GLRA1: variants seen among roughly 807,000 people sequenced by gnomAD.
GLRA1 encodes glycine receptor alpha 1, also known as glycine receptor subunit alpha-1.
GLRA1 carries 37 observed loss-of-function variants against 48.3 expected under a neutral mutation model. The ratio of observed to expected loss-of-function variants is 0.77; its 90% CI spans 0.59 to 1.01. The LOEUF (loss-of-function observed/expected upper bound fraction) is 1.01. GLRA1 is among the 50% of genes least tolerant of loss of function. GLRA1 has a pLI of 0.00. For synonymous variants in GLRA1, 196 were observed against 210.7 expected (o/e 0.93, Z 0.60); for missense variants, 427 against 571.0 (o/e 0.75, Z 2.57).
intron 1 of GLRA1, among the ~76,000 whole-genome samples, chr5:151,914,632 T>G (rs923093919): frequency 6.6e-6 from 1 of 152,118 alleles, no homozygotes. Flanking sequence ...TCCCCCACAT[T>G]CCTAGCTAGC....
intron 3 of GLRA1, among the ~76,000 whole-genome samples, chr5:151,881,570 A>G (rs1426980262): frequency 1.3e-5 from 2 of 150,736 alleles, no homozygotes; most frequent in African/African-American, 4.9e-5. Flanking sequence ...TCCCGGGCTC[A>G]AGCAATCTGC....
At chr5:151,913,242 A>C (rs1427651946) in intron 1 of GLRA1, among the ~76,000 whole-genome samples, 2 of 100,222 alleles carry the variant, frequency 2.0e-5, no homozygotes, top group East Asian at 4.7e-4. Context: ...AAGATTGAGC[A>C]AACTGCCAAG....
intron 3 of GLRA1, among the ~76,000 whole-genome samples, chr5:151,863,997 GGAA>G (rs1307359759): frequency 1.3e-5 from 2 of 152,200 alleles, no homozygotes; most frequent in Non-Finnish European, 2.9e-5. Context: ...CCATGGTGGT[GGAA>G]GAACTTCAGG....
intron 3 of GLRA1, among the ~76,000 whole-genome samples, chr5:151,863,783 C>T (rs924247902): frequency 2.0e-5 from 3 of 152,154 alleles, no homozygotes; most frequent in African/African-American, 7.2e-5. Context: ...CTAAAACAAA[C>T]AACCTTCCTC....
intron 1 of GLRA1, among the ~76,000 whole-genome samples, chr5:151,898,785 T>A (rs1300396889): frequency 6.6e-6 from 1 of 152,126 alleles, no homozygotes; most frequent in Non-Finnish European, 1.5e-5. Context: ...TGAGGCACAG[T>A]CAGCACTATA....
chr5:151,916,354 G>T lies in GLRA1; in HGVS notation c.56+8140C>A, dbSNP rs1385543149. Among the ~76,000 whole-genome samples, 12 of 152,326 alleles carry T rather than the reference G, an allele frequency of 7.9e-5. No individual in the cohort carries two copies. The South Asian group carries it at 2.3e-3, about 29-fold the overall frequency. On this transcript the variant is annotated intron_variant, in intron 1 of 8. Coordinates refer to ENST00000274576, the MANE Select transcript of GLRA1 (RefSeq NM_000171.4). ...TAAGACAGTACTGCAAATCTGCCTG[G>T]CAGCCAGGGTTGCAGCAGCCTTGCC...
intron 1 of GLRA1, among the ~76,000 whole-genome samples, chr5:151,898,659 CT>C (rs1754284618): frequency 6.6e-6 from 1 of 152,014 alleles, no homozygotes; most frequent in African/African-American, 2.4e-5. Context: ...GACTAAGAGG[CT>C]GAGAGTAACC....
chr5:151,923,101 T>C (rs992515697), intron 1 of GLRA1, among the ~76,000 whole-genome samples: 2 of 152,276 alleles, frequency 1.3e-5, no homozygotes, highest in African/African-American at 4.8e-5. Context: ...ACTCTCTGAC[T>C]ATTTGCAGTC....
Position 151,839,081 on chromosome 5 carries a change from G to A in GLRA1, c.913-10014C>T, listed in dbSNP as rs916794346. 5.3e-5 allele frequency among the ~76,000 whole-genome samples: 8 copies of A among 152,198 alleles called. No individual in the cohort carries two copies. The South Asian group carries it at 8.3e-4, about 16-fold the overall frequency. On this transcript the variant is annotated intron_variant, in intron 7 of 8. Transcript: ENST00000274576. ...CAGTTGTATTCTCATTAACACCATC[G>A]GGTACAGAAGATAGTGGGATAACAT...
intron 1 of GLRA1, among the ~76,000 whole-genome samples, chr5:151,895,862 T>C (rs1754215714): frequency 1.3e-5 from 2 of 152,108 alleles, no homozygotes; most frequent in South Asian, 2.1e-4. Flanking sequence ...CAACTAGTGA[T>C]TTATGACTTT....
At chr5:151,835,027 C>CAA (rs60718344) in intron 7 of GLRA1, among the ~76,000 whole-genome samples, 734 of 51,290 alleles carry the variant, frequency 0.014, 6 homozygotes, top group African/African-American at 0.027. Flanking sequence ...GACAACATCT[C>CAA]AAAAAAAAAA....
intron 7 of GLRA1, among the ~76,000 whole-genome samples, chr5:151,832,615 G>A (rs1561547474): frequency 6.6e-6 from 1 of 152,068 alleles, no homozygotes; most frequent in African/African-American, 2.4e-5. Context: ...GAATGAAAAG[G>A]AACAAACAAA....
At chr5:151,873,522 TG>T (rs778924046) in intron 3 of GLRA1, among the ~76,000 whole-genome samples, 3 of 151,758 alleles carry the variant, frequency 2.0e-5, no homozygotes, top group Non-Finnish European at 4.4e-5. Context: ...TAGCCGGGTG[TG>T]GTGGCGCACA....
chr5:151,850,444 G>A (rs1561555713), intron 7 of GLRA1: 2 of 1,119,858 alleles, frequency 1.8e-6, no homozygotes, highest in South Asian at 1.2e-5. Flanking sequence ...ACCAACTTCA[G>A]CACCAAGGCC....
chr5:151,906,676 A>G (rs1164471275), intron 1 of GLRA1, among the ~76,000 whole-genome samples: 1 of 152,096 alleles, frequency 6.6e-6, no homozygotes, highest in Non-Finnish European at 1.5e-5. Flanking sequence ...TGCAAATATT[A>G]TTTATTTTTT....
Position 151,849,496 on chromosome 5 carries a change from CT to C in GLRA1, c.912+1893del, listed in dbSNP as rs1490984371. ...CCTTCCTTCCTTCCTTCCTTCCTTT[CT>C]TTTCTTTCTTTCTTTCTTTCTTTTT... is the stretch of plus-strand genomic sequence containing the variant. On this transcript the variant is annotated intron_variant, in intron 7 of 8. Transcript: ENST00000274576. 4.6e-5 allele frequency among the ~76,000 whole-genome samples: 4 copies of C among 87,422 alleles called. No individual in the cohort carries two copies. In the East Asian group the frequency reaches 9.8e-4, roughly 21 times the overall value. The allele number at this position is 87,422 out of a possible 152,430, so 57.4% of individuals were successfully genotyped here.
At chr5:151,903,530 T>A (rs1271229134) in intron 1 of GLRA1, among the ~76,000 whole-genome samples, 1 of 152,206 alleles carries the variant, frequency 6.6e-6, no homozygotes, top group Non-Finnish European at 1.5e-5. Context: ...TTTGTTTCAC[T>A]CAGCAGGTTC....
rs1561545967 is a variant in GLRA1, at chr5:151,828,984, A to G, written c.996T>C (p.Val332=). The G allele has an allele frequency of 6.2e-7, 1 of 1,614,154 alleles. No homozygotes were observed. Among genetic ancestry groups the G allele is most frequent in the East Asian group, 2.2e-5 (1 of 44,886 alleles). ...CCTTATGTTGCCGAGACACAAAGTT[A>G]ACGGCAGCATATTCTAATAGGGCTG... is the stretch of plus-strand genomic sequence containing the variant. The part of the protein sequence containing the change: ...VFSALLEYAA[V]NFVSRQHKEL... The change falls in exon 8 of 9, where the codon GTT becomes GTC. Residue 332 remains valine, a synonymous_variant. Transcript: ENST00000274576.
chr5:151,858,797 A>G (rs1003106768), intron 4 of GLRA1, among the ~76,000 whole-genome samples: 2 of 152,218 alleles, frequency 1.3e-5, no homozygotes, highest in African/African-American at 4.8e-5. Context: ...GTTTCCCTGA[A>G]GGACTGGAGC....
Sources: allele counts gnomAD v4.1 joint callset (sites outside exome capture counted in the v4.1 genomes callset), GRCh38; gene constraint gnomAD v4.1.1; transcripts MANE v1.5; gene names NCBI Gene and HGNC (gene_info 2026-07-23, HGNC 2026-07-21).